The following MLKL variants were observed in gnomAD, a reference collection of about 807,000 sequenced individuals.
MLKL encodes mixed lineage kinase domain-like protein.
MLKL carries 55 observed loss-of-function variants against 56.5 expected under a neutral mutation model. That is an observed-to-expected ratio of 0.97 (90% CI 0.78 to 1.22). MLKL has a LOEUF of 1.22. Ranked by LOEUF, MLKL falls within the 50% of genes most tolerant of loss-of-function variation. The pLI, the probability that MLKL is intolerant of heterozygous loss-of-function variation, is 0.00. For synonymous variants in MLKL, 251 were observed against 208.3 expected, an observed-to-expected ratio of 1.20 and a Z score of -1.76; for missense variants, 694 against 573.9, an observed-to-expected ratio of 1.21 and a Z score of -2.14.
chr16:74,695,855 C>G (rs998654054), intron 1 of MLKL, 96 bp from the exon 2 acceptor site: 30 of 1,092,530 alleles, frequency 2.7e-5, no homozygotes, highest in Non-Finnish European at 3.8e-5. Flanking sequence ...GACTTAAATG[C>G]CTGAGGAGGT....
Position 74,672,157 on chromosome 16 carries a change from T to A in MLKL, c.*347A>T, listed in dbSNP as rs1009852347. 1 of 211,750 alleles carries A rather than the reference T, an allele frequency of 4.7e-6. No homozygotes were observed. Among genetic ancestry groups the A allele is most frequent in the Non-Finnish European group, 9.5e-6 (1 of 104,992 alleles). 13.1% of individuals were successfully genotyped at this position (211,750 alleles called of 1,614,324 possible). ...AGTCACTTCTTCCACATTCTATTGA[T>A]CAAATCAAGTCACAGTGCCAGCCCA... is the stretch of plus-strand genomic sequence containing the variant. On this transcript the variant is annotated 3_prime_UTR_variant, in exon 11 of 11. Transcript: ENST00000308807.
Sources: allele counts gnomAD v4.1 joint callset, GRCh38; gene constraint gnomAD v4.1.1; transcripts MANE v1.5; gene names NCBI Gene and HGNC (gene_info 2026-07-23, HGNC 2026-07-21).